Variants in THSD4 observed in about 807,000 individuals in gnomAD.
The protein encoded by THSD4 is thrombospondin type 1 domain containing 4.
A neutral mutation model predicts 119.0 loss-of-function variants in THSD4; 69 were observed. That is an observed-to-expected ratio of 0.58 (90% confidence interval 0.48 to 0.71). THSD4 has a LOEUF of 0.71. Among genes scored for constraint, THSD4 ranks in the 30% least tolerant of loss-of-function variants. The pLI, the probability that THSD4 is intolerant of heterozygous loss-of-function variation, is 0.00. For missense variants in THSD4, 1,393 were observed against 1,391.1 expected (o/e 1.00, Z -0.02); for synonymous variants, 524 against 540.4 (o/e 0.97, Z 0.42).
intron 6 of THSD4, among the ~76,000 whole-genome samples, chr15:71,263,472 A>G (rs182137782): frequency 3.7e-4 from 56 of 152,206 alleles, no homozygotes; most frequent in East Asian, 1.9e-4. Flanking sequence ...ATGTGTCTTT[A>G]TAATAGAATG....
At chr15:71,392,962 G>A (rs545240849) in intron 6 of THSD4, among the ~76,000 whole-genome samples, 1 of 152,220 alleles carries the variant, frequency 6.6e-6, no homozygotes, top group Non-Finnish European at 1.5e-5. Context: ...CTTCCTTTGA[G>A]AGGGAGCCGG....
At chr15:71,558,928 G>A (rs111867220) in intron 7 of THSD4, among the ~76,000 whole-genome samples, 123 of 152,200 alleles carry the variant, frequency 8.1e-4, no homozygotes, top group African/African-American at 2.7e-3. Flanking sequence ...TGGTATGTGC[G>A]ATGCTGATTT....
intron 11 of THSD4, among the ~76,000 whole-genome samples, chr15:71,744,836 G>A (rs2053303698): frequency 6.6e-6 from 1 of 152,142 alleles, no homozygotes; most frequent in Non-Finnish European, 1.5e-5. Flanking sequence ...CTGCCTTTGA[G>A]CATATTTAGA....
At chr15:71,435,200 A>G (rs1375149149) in intron 7 of THSD4, among the ~76,000 whole-genome samples, 1 of 152,128 alleles carries the variant, frequency 6.6e-6, no homozygotes, top group African/African-American at 2.4e-5. Context: ...TTATATCTCC[A>G]AGGGACTGGT....
chr15:71,458,774 G>A (rs572690842), intron 7 of THSD4, among the ~76,000 whole-genome samples: 4 of 152,218 alleles, frequency 2.6e-5, no homozygotes, highest in African/African-American at 4.8e-5. Flanking sequence ...AGATGTTATT[G>A]GAGAAAGCAT....
chr15:71,682,494 C>T (rs2141032785), intron 8 of THSD4, among the ~76,000 whole-genome samples: 1 of 152,172 alleles, frequency 6.6e-6, no homozygotes. Context: ...ATTGTTCACA[C>T]CATACATTAG....
rs573054152 is a variant in THSD4 at position 71,578,906 on chromosome 15, C to T, written c.1153-81624C>T. Among the ~76,000 whole-genome samples the T allele has an allele frequency of 2.7e-5, 4 of 146,392 alleles. No individual in the cohort carries two copies. The East Asian group carries it at 8.0e-4, about 29-fold the overall frequency. On this transcript the variant is annotated intron_variant, in intron 7 of 17. Transcript: ENST00000261862. Reference sequence around the variant, plus strand: ...TCGCCCAGGCTGGAGTGTAGTGGCACAATCTCGGCTCACTGCAAGCTCTGC... The same window carrying T: ...TCGCCCAGGCTGGAGTGTAGTGGCATAATCTCGGCTCACTGCAAGCTCTGC...
chr15:71,225,539 C>CTTTTTTTTTTTTTTTTTTTTTTTT lies in THSD4; in HGVS notation c.464+10151_464+10152insTTTTTTTTTTTTTTTTTTTTTTTT, dbSNP rs1040381361. Among the ~76,000 whole-genome samples the CTTTTTTTTTTTTTTTTTTTTTTTT allele has an allele frequency of 2.8e-5, 3 of 105,384 alleles. 1 individual carries two copies. 69.1% of individuals were successfully genotyped at this position (105,384 alleles called of 152,430 possible). On this transcript the variant is annotated intron_variant, in intron 4 of 17. Transcript: ENST00000261862. ...CAGCTCTCAAACACATTTTCTTTTT[C>CTTTTTTTTTTTTTTTTTTTTTTTT]TTTTTTTTTTTCTTTTTTTTTTTTT...
chr15:71,736,375 GTC>G (rs2053107358), intron 10 of THSD4, among the ~76,000 whole-genome samples: 1 of 144,196 alleles, frequency 6.9e-6, no homozygotes, highest in South Asian at 2.3e-4. Context: ...CTCTGTTTCT[GTC>G]TCTCTCGCAC....
intron 7 of THSD4, among the ~76,000 whole-genome samples, chr15:71,587,068 A>G (rs1021384611): frequency 1.3e-5 from 2 of 151,686 alleles, no homozygotes; most frequent in Non-Finnish European, 2.9e-5. Context: ...CAAAACCACT[A>G]TGAGATATCA....
chr15:71,351,465 G>T (rs992638133), intron 6 of THSD4, among the ~76,000 whole-genome samples: 6 of 152,146 alleles, frequency 3.9e-5, no homozygotes, highest in African/African-American at 1.4e-4. Flanking sequence ...TTTTACTCTG[G>T]TTTTTCCTCT....
At chr15:71,682,725 G>A (rs1440355963) in intron 8 of THSD4, among the ~76,000 whole-genome samples, 2 of 151,848 alleles carry the variant, frequency 1.3e-5, no homozygotes, top group African/African-American at 4.8e-5. Flanking sequence ...AATGTGCTAA[G>A]TCACATACTT....
intron 6 of THSD4, among the ~76,000 whole-genome samples, chr15:71,288,314 A>T (rs1328141277): frequency 6.6e-6 from 1 of 152,218 alleles, no homozygotes; most frequent in Non-Finnish European, 1.5e-5. Context: ...ACCAGCTTGG[A>T]ATTCATACCT....
At chr15:71,114,237 T>C (rs1192691446), upstream of THSD4, among the ~76,000 whole-genome samples, 1 of 151,692 alleles carries the variant, frequency 6.6e-6, no homozygotes, top group East Asian at 1.9e-4. Context: ...TTTTTTTTTC[T>C]GGAGGACAAT....
At chr15:71,354,929 C>T (rs909199319) in intron 6 of THSD4, among the ~76,000 whole-genome samples, 1 of 152,184 alleles carries the variant, frequency 6.6e-6, no homozygotes, top group Non-Finnish European at 1.5e-5. Context: ...TCCTCTTGTT[C>T]TTCCTTGAAT....
At chr15:71,150,001 T>TG (rs1415377491) in intron 2 of THSD4, among the ~76,000 whole-genome samples, 4 of 152,144 alleles carry the variant, frequency 2.6e-5, no homozygotes, top group African/African-American at 9.7e-5. Flanking sequence ...ACTTTTTTTT[T>TG]TTGTTTGGTG....
At chr15:71,129,039 A>C (rs1323755001) in intron 1 of THSD4, among the ~76,000 whole-genome samples, 1 of 152,164 alleles carries the variant, frequency 6.6e-6, no homozygotes, top group Non-Finnish European at 1.5e-5. Flanking sequence ...AAGAATTGAG[A>C]GTTGGCAAGA....
intron 7 of THSD4, among the ~76,000 whole-genome samples, chr15:71,521,155 C>T (rs1183459935): frequency 1.3e-5 from 2 of 152,174 alleles, no homozygotes; most frequent in Non-Finnish European, 2.9e-5. Flanking sequence ...TTGTCTTCCA[C>T]TACGTGATCT....
chr15:71,159,868 G>C (rs2043234958), intron 3 of THSD4, among the ~76,000 whole-genome samples: 1 of 152,138 alleles, frequency 6.6e-6, no homozygotes, highest in African/African-American at 2.4e-5. Flanking sequence ...TGTTCTTAGA[G>C]GAAAAGGTGA....
Sources: gnomAD v4.1 joint callset for allele counts (sites outside exome capture counted in the v4.1 genomes callset) on GRCh38, gnomAD v4.1.1 for gene constraint, MANE v1.5 for transcripts, NCBI Gene and HGNC (gene_info 2026-07-23, HGNC 2026-07-21) for gene names.